Variants in CPZ observed in about 807,000 individuals in gnomAD.
CPZ encodes the protein carboxypeptidase Z.
A neutral mutation model predicts 61.8 loss-of-function variants in CPZ; 103 were observed. The observed-to-expected ratio is 1.67, with a 90% CI of 1.42 to 1.96. CPZ has a LOEUF of 1.96. Among genes scored for constraint, CPZ ranks in the 30% most tolerant of loss-of-function variants. The pLI is 0.00. For synonymous variants in CPZ, 551 were observed against 373.7 expected, an observed-to-expected ratio of 1.47 and a Z score of -5.47; for missense variants, 1,461 against 914.9, an observed-to-expected ratio of 1.60 and a Z score of -7.70.
In CPZ at chr4:8,618,077, C is replaced by T. The variant is rs749541127; in HGVS notation, c.1504-352C>T. On this transcript the variant is annotated intron_variant, in intron 9 of 10. Transcript: ENST00000360986. ...CAGCTCAGAGGGACCCAGGGAGTCC[C>T]GCTGGGGCTGGGAAGGCAGGGAAGG... 12 of 308,070 alleles carry T rather than the reference C, an allele frequency of 3.9e-5. No homozygotes were observed. In the East Asian group the frequency reaches 8.3e-4, roughly 21 times the overall value. The allele number at this position is 308,070 out of a possible 1,614,324, so 19.1% of individuals were successfully genotyped here. A position where few individuals can be genotyped will look rare whatever the true frequency, so the allele number is the denominator to read the frequency against.
At chr4:8,609,706 AGAAGAC>A (rs1715487849) in intron 7 of CPZ, among the ~76,000 whole-genome samples, 1 of 152,220 alleles carries the variant, frequency 6.6e-6, no homozygotes, top group Admixed American at 6.5e-5. Context: ...ACCAGATGTG[AGAAGAC>A]GTCCCCAGGG....
intron 9 of CPZ, 70 bp from the exon 10 acceptor site, chr4:8,618,359 C>T (rs563420975): frequency 3.2e-5 from 46 of 1,459,410 alleles, no homozygotes; most frequent in African/African-American, 1.5e-4. Context: ...ATGTGGGGAA[C>T]GAGCTGACGG....
intron 9 of CPZ, among the ~76,000 whole-genome samples, chr4:8,615,448 A>G (rs1013873800): frequency 6.6e-6 from 1 of 152,198 alleles, no homozygotes; most frequent in African/African-American, 2.4e-5. Flanking sequence ...AATCACATAA[A>G]TTGCATATGA....
intron 5 of CPZ, 75 bp from the exon 6 acceptor site, chr4:8,606,662 A>C (rs549973147): frequency 8.8e-6 from 14 of 1,582,472 alleles, no homozygotes; most frequent in Non-Finnish European, 1.1e-5. Flanking sequence ...CCCTCAGCCC[A>C]GCGTGAGACC....
chr4:8,610,350 T>C (rs1560299226), intron 7 of CPZ, among the ~76,000 whole-genome samples: 1 of 151,964 alleles, frequency 6.6e-6, no homozygotes, highest in African/African-American at 2.4e-5. Flanking sequence ...CACCCCAGGG[T>C]TTTGGGGACT....
intron 7 of CPZ, among the ~76,000 whole-genome samples, chr4:8,608,873 G>A (rs956307470): frequency 2.0e-5 from 3 of 152,182 alleles, no homozygotes; most frequent in Non-Finnish European, 4.4e-5. Flanking sequence ...CATGCCGAGT[G>A]CTGTGGCCCA....
chr4:8,612,190 CGGGGGGTGGGGGGTGCAGGGGCTGGGT>C, intron 8 of CPZ, 28 bp downstream of exon 8: 1 of 509,058 alleles, frequency 2.0e-6, no homozygotes, highest in Non-Finnish European at 2.8e-6. Flanking sequence ...CGGGACTGGG[CGGGGGGTGGGGGGTGCAGGGGCTGGGT>C]GGGGCAGGGG....
chr4:8,607,472 G>C (rs751822051), intron 7 of CPZ, 47 bp downstream of exon 7: 2 of 1,592,336 alleles, frequency 1.3e-6, no homozygotes, highest in Non-Finnish European at 1.7e-6. Context: ...CAGTGTGCGC[G>C]GTCCCCTTGG....
chr4:8,614,358 G>T lies in CPZ; in HGVS notation c.1364-1G>T. ...ACGTCCCCGCTGTCTCTGTGCCACA[G>T]GCATGTCCGATTTCAACTACCTGCA... On this transcript the variant is annotated splice_acceptor_variant, in intron 8 of 10. Transcript: ENST00000360986. LOFTEE classifies it high-confidence loss of function. The T allele has an allele frequency of 6.2e-7, 1 of 1,612,828 alleles. No homozygotes were observed. Among genetic ancestry groups the T allele is most frequent in the South Asian group, 1.1e-5 (1 of 90,898 alleles).
chr4:8,601,671 C>A (rs917591021), intron 3 of CPZ, among the ~76,000 whole-genome samples, 174 bp downstream of exon 3: 3 of 152,176 alleles, frequency 2.0e-5, no homozygotes, highest in Non-Finnish European at 4.4e-5. Flanking sequence ...GGGTGCCAGG[C>A]AGGGTCGGGG....
In CPZ at chr4:8,592,920, CG is replaced by C; in HGVS notation, c.88+1del. 6.5e-7 allele frequency: 1 copy of C among 1,535,030 alleles called. No homozygotes were observed. Among genetic ancestry groups the C allele is most frequent in the Non-Finnish European group, 8.7e-7 (1 of 1,143,718 alleles). On this transcript the variant is annotated frameshift_variant and splice_region_variant, in exon 1 of 11. Coordinates refer to ENST00000360986, the MANE Select transcript of CPZ (RefSeq NM_001014447.3). LOFTEE classifies it high-confidence loss of function. ...PGCEFERNPA[G>X]ECHRPPAADS... is the part of the protein sequence containing the mutation. ...GGTGCGAGTTTGAGCGGAACCCCGC[CG>C]GTAAGGCCGTCCCCTGCCCCCACCC...
intron 7 of CPZ, 67 bp downstream of exon 7, chr4:8,607,492 C>T (rs1256442295): frequency 1.0e-5 from 16 of 1,550,728 alleles, no homozygotes; most frequent in Non-Finnish European, 1.3e-5. Context: ...GAGCTGGTGC[C>T]CCTCCAGTCC....
chr4:8,603,264 A>G (rs3756167), intron 3 of CPZ: 114,150 of 152,114 alleles, frequency 0.75, 44,504 homozygotes, highest in Non-Finnish European at 0.88. Context: ...GGAGGGAGCT[A>G]AGCGTCATCG....
At chr4:8,613,803 G>A (rs149701384) in intron 8 of CPZ, among the ~76,000 whole-genome samples, 101 of 152,340 alleles carry the variant, frequency 6.6e-4, no homozygotes, top group African/African-American at 2.2e-3. Context: ...GCCTGGGCCC[G>A]TGGTCTCCCT....
In CPZ at chr4:8,601,370, G is replaced by C. The variant is rs759534840; in HGVS notation, c.369G>C (p.Glu123Asp). The change falls in exon 3 of 11, where the codon GAG becomes GAC. Residue 123 changes from glutamate (E) to aspartate (D), a missense_variant. Glu to Asp is a conservative substitution (Grantham distance 45). Transcript: ENST00000360986. ...WVRRPCRHIC[E>D]GLREVCQPAF... is the part of the protein sequence containing the mutation. The stretch of plus-strand genomic sequence containing the variant: ...GCAGACCCTGCCGGCACATCTGCGA[G>C]GGCCTGCGGGAGGTCTGCCAGCCCG... 9.4e-6 allele frequency: 15 copies of C among 1,601,142 alleles called. No individual in the cohort carries two copies. Among genetic ancestry groups the C allele is most frequent in the Non-Finnish European group, 1.1e-5 (13 of 1,171,902 alleles).
At chr4:8,608,624 G>T (rs2109330225) in intron 7 of CPZ, among the ~76,000 whole-genome samples, 1 of 152,292 alleles carries the variant, frequency 6.6e-6, no homozygotes, top group East Asian at 2.0e-4. Flanking sequence ...CAGGGCTGCA[G>T]GAGGGCTGTG....
intron 2 of CPZ, 86 bp from the exon 3 acceptor site, chr4:8,601,037 T>C: frequency 2.0e-6 from 3 of 1,471,894 alleles, no homozygotes; most frequent in Middle Eastern, 2.5e-4. Context: ...GCCCTGGCCC[T>C]GCGTGGGGTC....
intron 4 of CPZ, among the ~76,000 whole-genome samples, chr4:8,605,297 T>C (rs556699643): frequency 2.0e-4 from 27 of 134,948 alleles, no homozygotes; most frequent in Non-Finnish European, 3.9e-4. Context: ...TGGTCCACTC[T>C]TCTTCCTATA....
At chr4:8,603,735 A>G (rs1714742577) in intron 3 of CPZ, 2 of 567,156 alleles carry the variant, frequency 3.5e-6, no homozygotes, top group South Asian at 2.2e-5. Context: ...GTGGCCCCAT[A>G]GTATGTTTAC....
Sources: allele counts gnomAD v4.1 joint callset (sites outside exome capture counted in the v4.1 genomes callset), GRCh38; gene constraint gnomAD v4.1.1; transcripts MANE v1.5; gene names NCBI Gene and HGNC (gene_info 2026-07-23, HGNC 2026-07-21).